Variants in HACD3 observed in about 807,000 individuals in gnomAD.
The protein encoded by HACD3 is very-long-chain (3R)-3-hydroxyacyl-CoA dehydratase 3.
A neutral mutation model predicts 55.2 loss-of-function variants in HACD3; 30 were observed. That is an observed-to-expected ratio of 0.54 (90% CI 0.41 to 0.74). The LOEUF (loss-of-function observed/expected upper bound fraction) is 0.74, where lower values mean the gene tolerates loss of function less well. Ranked by LOEUF, HACD3 falls within the 30% of genes least tolerant of loss-of-function variation. HACD3 has a pLI of 0.00. For missense variants in HACD3, 363 were observed against 440.1 expected, an observed-to-expected ratio of 0.82 and a Z score of 1.57; for synonymous variants, 141 against 151.7, an observed-to-expected ratio of 0.93 and a Z score of 0.52.
Position 65,577,718 on chromosome 15 carries a change from T to TA in HACD3, c.*1340dup, listed in dbSNP as rs2072421846. 6.6e-6 allele frequency: 1 copy of TA among 152,234 alleles called. No individual in the cohort carries two copies. Among genetic ancestry groups the TA allele is most frequent in the African/African-American group, 2.4e-5 (1 of 41,452 alleles). The allele number at this position is 152,234 out of a possible 1,614,324, so 9.4% of individuals were successfully genotyped here. A position where few individuals can be genotyped will look rare whatever the true frequency, so the allele number is the denominator to read the frequency against. The stretch of plus-strand genomic sequence containing the variant: ...TACATTTTTGAATAGACCTCAAAAA[T>TA]ACTTCATTCTGCTGCTGTTCAGTTG... On this transcript the variant is annotated 3_prime_UTR_variant, in exon 11 of 11. Transcript: ENST00000261875.
chr15:65,530,557 T>G lies in HACD3; in HGVS notation c.-75T>G. 5.1e-6 allele frequency: 7 copies of G among 1,372,946 alleles called. No individual in the cohort carries two copies. The highest frequency in any genetic ancestry group is 6.0e-6 in the Non-Finnish European group (6 of 1,002,240). 85.0% of individuals were successfully genotyped at this position (1,372,946 alleles called of 1,614,324 possible). A position where few individuals can be genotyped will look rare whatever the true frequency, so the allele number is the denominator to read the frequency against. ...CTAGGGTTTGAGGCCTGCTTTCTGC[T>G]CGCGCCAGCAGAGCACTACCTGAGG... On this transcript the variant is annotated 5_prime_UTR_variant, in exon 1 of 11. Coordinates refer to ENST00000261875, the MANE Select transcript of HACD3 (RefSeq NM_016395.4).
Position 65,530,592 on chromosome 15 carries a change from G to T in HACD3, c.-40G>T, listed in dbSNP as rs1272604777. On this transcript the variant is annotated 5_prime_UTR_variant, in exon 1 of 11. Transcript: ENST00000261875. ...AGAGCACTACCTGAGGCAGCGAGGC[G>T]CAGCGAGCCTAGCCTCCCCGCGCCC... The T allele has an allele frequency of 1.3e-6, 2 of 1,524,300 alleles. No individual in the cohort carries two copies. Among genetic ancestry groups the T allele is most frequent in the East Asian group, 5.0e-5 (2 of 40,102 alleles). 94.4% of individuals were successfully genotyped at this position (1,524,300 alleles called of 1,614,324 possible). A position where few individuals can be genotyped will look rare whatever the true frequency, so the allele number is the denominator to read the frequency against.
intron 1 of HACD3, among the ~76,000 whole-genome samples, chr15:65,537,112 A>G (rs900147176): frequency 2.0e-5 from 3 of 152,208 alleles, no homozygotes; most frequent in East Asian, 1.9e-4. Context: ...TTTCAATTCT[A>G]TGAAGGCTGA....
chr15:65,566,093 T>G (rs2072288098), intron 7 of HACD3: 2 of 152,254 alleles, frequency 1.3e-5, no homozygotes, highest in African/African-American at 4.8e-5. Flanking sequence ...CAAGAGGTTC[T>G]TCATCTCCAT....
intron 3 of HACD3, 129 bp from the exon 4 acceptor site, chr15:65,556,610 C>A: frequency 1.0e-6 from 1 of 977,070 alleles, no homozygotes; most frequent in Non-Finnish European, 1.5e-6. Flanking sequence ...CCCTTTGCAT[C>A]AGGACTTGCA....
chr15:65,564,423 A>G (rs993491054), intron 7 of HACD3, 81 bp downstream of exon 7: 5 of 1,498,604 alleles, frequency 3.3e-6, no homozygotes, highest in Admixed American at 2.0e-5. Flanking sequence ...GTCCATTTTC[A>G]TGCTGCTCAT....
intron 10 of HACD3, among the ~76,000 whole-genome samples, chr15:65,573,294 TTTG>T (rs987913130): frequency 1.2e-4 from 19 of 152,004 alleles, no homozygotes; most frequent in Admixed American, 3.9e-4. Context: ...AGGATTTTTT[TTTG>T]TTGTTGTTGT....
chr15:65,548,154 G>T (rs2141210898), intron 1 of HACD3, among the ~76,000 whole-genome samples: 1 of 152,318 alleles, frequency 6.6e-6, no homozygotes, highest in East Asian at 1.9e-4. Flanking sequence ...GCCAGGGTCT[G>T]TGTGTGCTAT....
chr15:65,563,756 G>A (rs1333204796), intron 6 of HACD3, among the ~76,000 whole-genome samples: 1 of 152,136 alleles, frequency 6.6e-6, no homozygotes, highest in Non-Finnish European at 1.5e-5. Flanking sequence ...AGATCACGAG[G>A]TCAAGAGATC....
chr15:65,577,563 A>ATATT lies in HACD3; in HGVS notation c.*1185_*1188dup, dbSNP rs1455506751. The stretch of plus-strand genomic sequence containing the variant: ...GTGTACAGCCTTTGACAAACTAGAA[A>ATATT]TATTAGAGTAGGCCAAACACACCTC... On this transcript the variant is annotated 3_prime_UTR_variant, in exon 11 of 11. Coordinates refer to ENST00000261875, the MANE Select transcript of HACD3 (RefSeq NM_016395.4). The ATATT allele has an allele frequency of 2.0e-5, 3 of 152,252 alleles. No individual in the cohort carries two copies. The highest frequency in any genetic ancestry group is 4.4e-5 in the Non-Finnish European group (3 of 68,062). 9.4% of individuals were successfully genotyped at this position (152,252 alleles called of 1,614,324 possible).
Sources: gnomAD v4.1 joint callset for allele counts (sites outside exome capture counted in the v4.1 genomes callset) on GRCh38, gnomAD v4.1.1 for gene constraint, MANE v1.5 for transcripts, NCBI Gene and HGNC (gene_info 2026-07-23, HGNC 2026-07-21) for gene names.